Variants in PDE9A observed in about 807,000 individuals in gnomAD.
PDE9A encodes the protein phosphodiesterase 9A, also known as high affinity cGMP-specific 3',5'-cyclic phosphodiesterase 9A.
A neutral mutation model predicts 87.4 loss-of-function variants in PDE9A; 60 were observed. That is an observed-to-expected ratio of 0.69 (90% CI 0.56 to 0.85). The LOEUF (loss-of-function observed/expected upper bound fraction) is 0.85, where lower values mean the gene tolerates loss of function less well. Ranked by LOEUF, PDE9A falls within the 40% of genes least tolerant of loss-of-function variation. PDE9A has a pLI of 0.00. For synonymous variants in PDE9A, 272 were observed against 279.4 expected (o/e 0.97, Z 0.27); for missense variants, 665 against 779.0 (o/e 0.85, Z 1.74).
intron 3 of PDE9A, chr21:42,697,335 C>A: frequency 1.2e-6 from 1 of 821,314 alleles, no homozygotes; most frequent in South Asian, 1.5e-5. Context: ...ACCATCAAAC[C>A]ACATGTATTG....
At chr21:42,769,645 G>GACACATAGGCACACAAATGC (rs1569280244) in intron 17 of PDE9A, among the ~76,000 whole-genome samples, 20 of 37,006 alleles carry the variant, frequency 5.4e-4, no homozygotes, top group African/African-American at 3.2e-3. Context: ...CACACACAGG[G>GACACATAGGCACACAAATGC]ACACACAGGC....
In PDE9A at chr21:42,769,558, GCACACACA is replaced by G. The variant is rs56998221; in HGVS notation, c.1590+414_1590+421del. On this transcript the variant is annotated intron_variant, in intron 17 of 19. Coordinates refer to ENST00000291539, the MANE Select transcript of PDE9A (RefSeq NM_002606.3). ...CACAGGCACACAAATGCACACACAG[GCACACACA>G]CACACACACATGCACACAGGTACAC... Among the ~76,000 whole-genome samples the G allele has an allele frequency of 4.5e-3, 587 of 130,028 alleles. 4 individuals carry two copies. The highest frequency in any genetic ancestry group is 6.0e-3 in the African/African-American group (208 of 34,424). The allele number at this position is 130,028 out of a possible 152,430, so 85.3% of individuals were successfully genotyped here.
chr21:42,767,521 A>G (rs2056523569), intron 15 of PDE9A, among the ~76,000 whole-genome samples: 1 of 152,218 alleles, frequency 6.6e-6, no homozygotes, highest in South Asian at 2.1e-4. Flanking sequence ...ACCAAGCATC[A>G]TGCAGACTCC....
chr21:42,752,155 T>C (rs1299011281), intron 9 of PDE9A, among the ~76,000 whole-genome samples: 1 of 152,226 alleles, frequency 6.6e-6, no homozygotes, highest in Non-Finnish European at 1.5e-5. Flanking sequence ...GTTCAAGTGA[T>C]GGCAGAGCCT....
At chr21:42,771,859 C>A (rs1034055954) in intron 18 of PDE9A, among the ~76,000 whole-genome samples, 1 of 152,260 alleles carries the variant, frequency 6.6e-6, no homozygotes, top group Non-Finnish European at 1.5e-5. Context: ...CAGTTGATGT[C>A]TCCTACTGGA....
rs370215795 is a variant in PDE9A at position 42,765,372 on chromosome 21, G to T, written c.1243-9G>T. On this transcript the variant is annotated splice_polypyrimidine_tract_variant and intron_variant, in intron 14 of 19. Coordinates refer to ENST00000291539, the MANE Select transcript of PDE9A (RefSeq NM_002606.3). Reference sequence around the variant, plus strand: ...ACCCGTGTTAACACGTTGTTCTCTCGCTATTTAGGGAATGATCACATTAAT... The same window carrying T: ...ACCCGTGTTAACACGTTGTTCTCTCTCTATTTAGGGAATGATCACATTAAT... 7.7e-5 allele frequency: 117 copies of T among 1,526,980 alleles called. No individual in the cohort carries two copies. Among genetic ancestry groups the T allele is most frequent in the Middle Eastern group, 1.7e-4 (1 of 5,918 alleles). 94.6% of individuals were successfully genotyped at this position (1,526,980 alleles called of 1,614,324 possible). A position where few individuals can be genotyped will look rare whatever the true frequency, so the allele number is the denominator to read the frequency against.
rs576915158 is a variant in PDE9A at position 42,760,023 on chromosome 21, T to G, written c.898-305T>G. On this transcript the variant is annotated intron_variant, in intron 11 of 19. Coordinates refer to ENST00000291539, the MANE Select transcript of PDE9A (RefSeq NM_002606.3). The surrounding 1 kb of genome is among the most constrained non-coding windows in gnomAD (Gnocchi z 5.2). Reference sequence around the variant, plus strand: ...CCCCTCCCCCCATCCCCTAACTTTATGCCCCACTGTGGCTCCTCAGACACC... The same window carrying G: ...CCCCTCCCCCCATCCCCTAACTTTAGGCCCCACTGTGGCTCCTCAGACACC... Among the ~76,000 whole-genome samples the G allele has an allele frequency of 1.2e-3, 182 of 152,082 alleles. No individual in the cohort carries two copies. Among genetic ancestry groups the G allele is most frequent in the African/African-American group, 4.0e-3 (165 of 41,472 alleles).
At chr21:42,654,859 C>T (rs2056929194) in intron 1 of PDE9A, among the ~76,000 whole-genome samples, 1 of 152,180 alleles carries the variant, frequency 6.6e-6, no homozygotes, top group African/African-American at 2.4e-5. Context: ...CCTCTCCCAC[C>T]GTAGCCCGCT....
At chr21:42,678,829 G>A (rs1351016249) in intron 1 of PDE9A, among the ~76,000 whole-genome samples, 1 of 152,240 alleles carries the variant, frequency 6.6e-6, no homozygotes, top group East Asian at 1.9e-4. Context: ...AAGCATGACA[G>A]CAGGTACCAC....
At chr21:42,756,967 C>T (rs1457861650) in intron 10 of PDE9A, 1 of 152,382 alleles carries the variant, frequency 6.6e-6, no homozygotes, top group South Asian at 2.1e-4. Context: ...CCTTTCAGGA[C>T]TGCCTTGAAC....
At chr21:42,754,507 C>T (rs540670807) in intron 10 of PDE9A, among the ~76,000 whole-genome samples, 27 of 152,336 alleles carry the variant, frequency 1.8e-4, no homozygotes, top group East Asian at 3.9e-4. Flanking sequence ...CACAGGCAAC[C>T]GGCTGCCCCA....
In PDE9A at chr21:42,758,898, C is replaced by A. The variant is rs1047289775; in HGVS notation, c.811-101C>A. ...AGGGGGAGAACCCACCTCCTGCCAA[C>A]GGCCCTGCTGGCACTCCGAGGACAG... On this transcript the variant is annotated intron_variant, in intron 10 of 19. Coordinates refer to ENST00000291539, the MANE Select transcript of PDE9A (RefSeq NM_002606.3). 5.8e-5 allele frequency: 49 copies of A among 837,702 alleles called. 1 individual carries two copies. The Admixed American group carries it at 7.7e-4, about 13-fold the overall frequency. The allele number at this position is 837,702 out of a possible 1,614,324, so 51.9% of individuals were successfully genotyped here.
chr21:42,685,526 G>C lies in PDE9A; in HGVS notation c.70-666G>C, dbSNP rs1360046092. On this transcript the variant is annotated intron_variant, in intron 1 of 19. Coordinates refer to ENST00000291539, the MANE Select transcript of PDE9A (RefSeq NM_002606.3). ...TTGTTGCCCAGGCTGGAGTGCAATG[G>C]TGCGATCTCGGTTCACTGCAACCTC... Among the ~76,000 whole-genome samples the C allele has an allele frequency of 2.7e-5, 4 of 146,020 alleles. No individual in the cohort carries two copies. The Admixed American group carries it at 2.8e-4, about 10-fold the overall frequency.
chr21:42,668,003 GGA>G (rs1222960011), intron 1 of PDE9A, among the ~76,000 whole-genome samples: 1 of 152,164 alleles, frequency 6.6e-6, no homozygotes, highest in Non-Finnish European at 1.5e-5. Context: ...GGTCGAAGTT[GGA>G]GAGAGGGGTG....
intron 1 of PDE9A, among the ~76,000 whole-genome samples, chr21:42,683,608 G>A (rs2059289204): frequency 6.6e-6 from 1 of 152,248 alleles, no homozygotes; most frequent in African/African-American, 2.4e-5. Flanking sequence ...CTCCTGAGAT[G>A]GAGAAGCCCC....
chr21:42,760,531 A>G lies in PDE9A; in HGVS notation c.1002+99A>G. ...AGCCCCATCCCACCAAGAGAGCCAC[A>G]GGCGTGGGGTCCCCAGCCGCTCCGC... On this transcript the variant is annotated intron_variant, in intron 12 of 19. Coordinates refer to ENST00000291539, the MANE Select transcript of PDE9A (RefSeq NM_002606.3). The surrounding 1 kb of genome is among the most constrained non-coding windows in gnomAD (Gnocchi z 5.2). 1.3e-6 allele frequency: 1 copy of G among 751,878 alleles called. No individual in the cohort carries two copies. Among genetic ancestry groups the G allele is most frequent in the Non-Finnish European group, 2.2e-6 (1 of 447,706 alleles). 46.6% of individuals were successfully genotyped at this position (751,878 alleles called of 1,614,324 possible).
chr21:42,774,739 A>G (rs1170039892), intron 19 of PDE9A, among the ~76,000 whole-genome samples: 2 of 151,670 alleles, frequency 1.3e-5, no homozygotes, highest in East Asian at 2.0e-4. Context: ...AAAATTAGCC[A>G]GCTGTAGTGG....
In PDE9A at chr21:42,773,998, G is replaced by A. The variant is rs184031378; in HGVS notation, c.1769-1282G>A. ...TGGGTGCCTGTATTCCCAGCTACTC[G>A]GGAGGCTGAGGCGGAGCTTGCAGTG... On this transcript the variant is annotated intron_variant, in intron 19 of 19. Coordinates refer to ENST00000291539, the MANE Select transcript of PDE9A (RefSeq NM_002606.3). Among the ~76,000 whole-genome samples the A allele has an allele frequency of 4.5e-3, 676 of 151,336 alleles. 2 individuals carry two copies. The highest frequency in any genetic ancestry group is 0.016 in the African/African-American group (637 of 41,026).
At chr21:42,698,942 C>T in intron 3 of PDE9A, 26 bp from the exon 4 acceptor site, 1 of 1,599,950 alleles carries the variant, frequency 6.3e-7, no homozygotes, top group Non-Finnish European at 8.6e-7. Flanking sequence ...CAGAGTCTCA[C>T]AGCGGCACTG....
Sources: gnomAD v4.1 joint callset for allele counts (sites outside exome capture counted in the v4.1 genomes callset) on GRCh38, gnomAD v4.1.1 for gene constraint, Gnocchi (gnomAD v3.1) non-coding constraint, MANE v1.5 for transcripts, NCBI Gene and HGNC (gene_info 2026-07-23, HGNC 2026-07-21) for gene names.